Variants in CHST9 observed in about 807,000 individuals in gnomAD.
The protein encoded by CHST9 is GalNAc-4-sulfotransferase 2.
Under a neutral mutation model 44.4 loss-of-function variants are expected in CHST9, and 41 were observed. That is an observed-to-expected ratio of 0.92 (90% confidence interval 0.72 to 1.20). The LOEUF (loss-of-function observed/expected upper bound fraction) is 1.20, where lower values mean the gene tolerates loss of function less well. Among genes scored for constraint, CHST9 ranks in the 50% most tolerant of loss-of-function variants. CHST9 has a pLI of 0.00. For missense variants in CHST9, 504 were observed against 516.5 expected, an observed-to-expected ratio of 0.98 and a Z score of 0.23; for synonymous variants, 171 against 178.4, an observed-to-expected ratio of 0.96 and a Z score of 0.33.
intron 4 of CHST9, among the ~76,000 whole-genome samples, chr18:26,955,161 C>T (rs1329185661): frequency 2.0e-5 from 3 of 151,490 alleles, no homozygotes; most frequent in South Asian, 2.1e-4. Context: ...TTTTCATATT[C>T]GTTCCCAACT....
intron 5 of CHST9, among the ~76,000 whole-genome samples, chr18:26,924,039 A>G (rs1202483279): frequency 6.6e-6 from 1 of 152,088 alleles, no homozygotes; most frequent in Non-Finnish European, 1.5e-5. Flanking sequence ...GCTGATATAA[A>G]CAGTCAGACT....
At chr18:27,082,304 A>G (rs151258158) in intron 2 of CHST9, among the ~76,000 whole-genome samples, 1,597 of 152,378 alleles carry the variant, frequency 0.01, 24 homozygotes, top group African/African-American at 0.034. Flanking sequence ...ACTAACTTCA[A>G]TGAGTTTTCC....
chr18:27,184,170 GA>G (rs1015980281), intron 1 of CHST9, among the ~76,000 whole-genome samples: 3 of 152,138 alleles, frequency 2.0e-5, no homozygotes, highest in African/African-American at 7.2e-5. Context: ...ATAATAGGGA[GA>G]AAAAAGTCAC....
intron 2 of CHST9, among the ~76,000 whole-genome samples, chr18:27,053,286 G>A (rs750241283): frequency 0.017 from 2,059 of 119,568 alleles, 67 homozygotes; most frequent in African/African-American, 0.02. Context: ...GAAGGAGAAG[G>A]AGAAGGAGAA....
intron 2 of CHST9, among the ~76,000 whole-genome samples, chr18:27,133,499 T>C (rs2058489129): frequency 6.6e-6 from 1 of 152,078 alleles, no homozygotes; most frequent in Non-Finnish European, 1.5e-5. Context: ...GCTGAGTGAA[T>C]AGGGTTGCTG....
At chr18:27,167,918 A>ATCT (rs1271575888) in intron 1 of CHST9, among the ~76,000 whole-genome samples, 1 of 152,168 alleles carries the variant, frequency 6.6e-6, no homozygotes, top group Non-Finnish European at 1.5e-5. Context: ...AAGAACTGAA[A>ATCT]TAAGACAGTA....
At chr18:27,096,744 A>T (rs991630569) in intron 2 of CHST9, among the ~76,000 whole-genome samples, 26 of 151,912 alleles carry the variant, frequency 1.7e-4, no homozygotes, top group Admixed American at 1.3e-3. Flanking sequence ...AGAAACTGAA[A>T]CACTGAATAA....
chr18:26,922,994 C>T (rs1047814591), intron 5 of CHST9, among the ~76,000 whole-genome samples: 4 of 152,132 alleles, frequency 2.6e-5, no homozygotes, highest in Admixed American at 6.6e-5. Flanking sequence ...GAATTCTTAT[C>T]GATCCTCAAC....
chr18:26,983,572 G>A (rs935378419), intron 4 of CHST9, among the ~76,000 whole-genome samples: 4 of 152,164 alleles, frequency 2.6e-5, no homozygotes, highest in African/African-American at 4.8e-5. Flanking sequence ...AGCCTGCAGA[G>A]CCATGGGTCG....
chr18:26,979,706 A>G (rs2056668523), intron 4 of CHST9, among the ~76,000 whole-genome samples: 1 of 152,200 alleles, frequency 6.6e-6, no homozygotes, highest in South Asian at 2.1e-4. Flanking sequence ...CTTTTTGTAC[A>G]CAGAGATCAG....
At chr18:27,022,184 A>G (rs1199485224) in intron 4 of CHST9, among the ~76,000 whole-genome samples, 1 of 152,202 alleles carries the variant, frequency 6.6e-6, no homozygotes, top group African/African-American at 2.4e-5. Context: ...TGCATTGTTC[A>G]TGGGTGGCTG....
intron 4 of CHST9, among the ~76,000 whole-genome samples, chr18:26,947,906 CAA>C (rs2056188639): frequency 6.6e-6 from 1 of 152,116 alleles, no homozygotes; most frequent in East Asian, 1.9e-4. Context: ...GATATATACC[CAA>C]AGGATTATAA....
chr18:26,946,016 A>G (rs764053820), intron 4 of CHST9, among the ~76,000 whole-genome samples: 1 of 152,146 alleles, frequency 6.6e-6, no homozygotes, highest in East Asian at 1.9e-4. Context: ...AGAGTGGGCT[A>G]TTTCATGGTG....
intron 2 of CHST9, among the ~76,000 whole-genome samples, chr18:27,054,233 A>T (rs190804104): frequency 2.0e-5 from 3 of 152,338 alleles, no homozygotes; most frequent in Admixed American, 2.0e-4. Context: ...ACAACTGACA[A>T]CCAAGAAAAC....
At chr18:27,135,049 T>G (rs1431418844) in intron 2 of CHST9, among the ~76,000 whole-genome samples, 3 of 152,158 alleles carry the variant, frequency 2.0e-5, no homozygotes, top group Non-Finnish European at 4.4e-5. Flanking sequence ...TAAGTGTTTT[T>G]TACCACAAAA....
chr18:27,177,710 T>C (rs189980889), intron 1 of CHST9, among the ~76,000 whole-genome samples: 34 of 152,096 alleles, frequency 2.2e-4, no homozygotes, highest in African/African-American at 7.9e-4. Flanking sequence ...ATTGAAGTAC[T>C]ATAGCAAAAG....
chr18:27,109,504 C>T (rs1432264046), intron 2 of CHST9, among the ~76,000 whole-genome samples: 1 of 152,190 alleles, frequency 6.6e-6, no homozygotes, highest in Non-Finnish European at 1.5e-5. Context: ...GGCATGCAGC[C>T]ACAGTTGAAG....
chr18:27,102,463 T>C (rs781518371), intron 2 of CHST9, among the ~76,000 whole-genome samples: 2 of 152,116 alleles, frequency 1.3e-5, no homozygotes, highest in African/African-American at 2.4e-5. Flanking sequence ...AGATGGACCA[T>C]CCTCGACTAT....
At chr18:27,157,721 G>C (rs968806812) in intron 1 of CHST9, among the ~76,000 whole-genome samples, 3 of 151,978 alleles carry the variant, frequency 2.0e-5, no homozygotes, top group Non-Finnish European at 2.9e-5. Flanking sequence ...TAGATATATA[G>C]AGAAGCCTAG....
Sources: allele counts gnomAD v4.1 joint callset (sites outside exome capture counted in the v4.1 genomes callset), GRCh38; gene constraint gnomAD v4.1.1; transcripts MANE v1.5; gene names NCBI Gene and HGNC (gene_info 2026-07-23, HGNC 2026-07-21).